RBFOX1: variants seen among roughly 807,000 people sequenced by gnomAD.
RBFOX1 encodes RNA binding fox-1 homolog 1, also known as RNA binding protein fox-1 homolog 1.
A neutral mutation model predicts 57.7 loss-of-function variants in RBFOX1; 8 were observed. The ratio of observed to expected loss-of-function variants is 0.14; its 90% CI spans 0.08 to 0.25. The LOEUF (loss-of-function observed/expected upper bound fraction) is 0.25, where lower values mean the gene tolerates loss of function less well. Among genes scored for constraint, RBFOX1 ranks in the 10% least tolerant of loss-of-function variants. RBFOX1 has a pLI of 1.00. For synonymous variants in RBFOX1, 326 were observed against 222.4 expected, an observed-to-expected ratio of 1.47 and a Z score of -4.15; for missense variants, 611 against 548.5, an observed-to-expected ratio of 1.11 and a Z score of -1.14.
chr16:6,070,816 C>T (rs184771702), intron 1 of RBFOX1, among the ~76,000 whole-genome samples: 152 of 151,006 alleles, frequency 1.0e-3, no homozygotes, highest in African/African-American at 3.3e-3. Flanking sequence ...CACACACGCT[C>T]GCCCCCCCCA....
At chr16:5,873,417 G>A (rs1330574463) in intron 4 of RBFOX1, among the ~76,000 whole-genome samples, 1 of 152,108 alleles carries the variant, frequency 6.6e-6, no homozygotes, top group East Asian at 1.9e-4. Flanking sequence ...GTCTAATTTT[G>A]CCCAGTCATG....
intron 1 of RBFOX1, among the ~76,000 whole-genome samples, chr16:5,415,959 C>G (rs534591653): frequency 6.6e-6 from 1 of 152,208 alleles, no homozygotes; most frequent in East Asian, 1.9e-4. Context: ...GACTCAGAGA[C>G]CAATGTGGTG....
intron 14 of RBFOX1, among the ~76,000 whole-genome samples, 174 bp downstream of exon 14, chr16:7,677,012 G>A (rs113169745): frequency 2.4e-4 from 37 of 152,170 alleles, no homozygotes; most frequent in African/African-American, 8.7e-4. Flanking sequence ...GAGGGCAAAT[G>A]CTTCAGCCAA....
At chr16:5,858,996 C>T (rs2057142763) in intron 3 of RBFOX1, among the ~76,000 whole-genome samples, 1 of 152,136 alleles carries the variant, frequency 6.6e-6, no homozygotes, top group Non-Finnish European at 1.5e-5. Context: ...GGGCAGATCA[C>T]ATGAGATCAG....
rs2089036771 is a variant in RBFOX1 at position 6,363,650 on chromosome 16, A to G, written c.-64+46593A>G. On this transcript the variant is annotated intron_variant, in intron 2 of 15. Transcript: ENST00000550418. The stretch of plus-strand genomic sequence containing the variant: ...ACAGACAGTTCGGAGACTAAATACC[A>G]TTTTTTAAAGTTTCCGAAGATTAAA... Among the ~76,000 whole-genome samples, 3 of 152,222 alleles carry G rather than the reference A, an allele frequency of 2.0e-5. No individual in the cohort carries two copies. The South Asian group carries it at 6.2e-4, about 32-fold the overall frequency.
intron 1 of RBFOX1, among the ~76,000 whole-genome samples, chr16:6,035,052 G>C (rs189094611): frequency 2.0e-5 from 3 of 152,268 alleles, no homozygotes; most frequent in Non-Finnish European, 4.4e-5. Flanking sequence ...CTGTTGTGCA[G>C]GCTGTCCTGT....
intron 2 of RBFOX1, among the ~76,000 whole-genome samples, chr16:5,506,054 G>C (rs1331286777): frequency 6.6e-6 from 1 of 152,150 alleles, no homozygotes; most frequent in African/African-American, 2.4e-5. Context: ...CCTAGACTCT[G>C]AAACCTCACC....
At chr16:7,664,848 C>T (rs1469649407) in intron 12 of RBFOX1, 81 bp from the exon 13 acceptor site, 4 of 1,612,138 alleles carry the variant, frequency 2.5e-6, no homozygotes, top group Non-Finnish European at 3.4e-6. Flanking sequence ...ACCAGACTAA[C>T]CTCGCCAGTG....
intron 1 of RBFOX1, among the ~76,000 whole-genome samples, chr16:5,406,236 C>T (rs1419143045): frequency 3.3e-5 from 5 of 152,056 alleles, no homozygotes. Flanking sequence ...GGGGGATTTC[C>T]AGACAAGAAT....
At chr16:5,496,838 C>T (rs139491071) in intron 2 of RBFOX1, among the ~76,000 whole-genome samples, 16 of 152,322 alleles carry the variant, frequency 1.1e-4, no homozygotes, top group Non-Finnish European at 1.6e-4. Flanking sequence ...ACAGCCCAAG[C>T]GCTAATCCAT....
intron 2 of RBFOX1, among the ~76,000 whole-genome samples, chr16:6,401,328 A>G (rs2093059103): frequency 6.6e-6 from 1 of 152,216 alleles, no homozygotes; most frequent in South Asian, 2.1e-4. Context: ...GCATAAGTGT[A>G]CACTGATATA....
intron 2 of RBFOX1, among the ~76,000 whole-genome samples, chr16:6,633,451 C>T (rs932575093): frequency 1.3e-5 from 2 of 151,858 alleles, no homozygotes; most frequent in Non-Finnish European, 2.9e-5. Context: ...CTGATTTTTG[C>T]ATTTATTATT....
chr16:6,006,575 G>A (rs1310541592), intron 4 of RBFOX1, among the ~76,000 whole-genome samples: 3 of 152,210 alleles, frequency 2.0e-5, no homozygotes, highest in African/African-American at 7.2e-5. Context: ...CTCCAGCATT[G>A]CCTAAAGCCA....
chr16:7,062,783 C>T (rs753693543), intron 4 of RBFOX1, among the ~76,000 whole-genome samples: 10 of 151,736 alleles, frequency 6.6e-5, no homozygotes, highest in African/African-American at 1.5e-4. Flanking sequence ...AGTGAAGAGA[C>T]GGTTCCCAGG....
intron 4 of RBFOX1, among the ~76,000 whole-genome samples, chr16:7,182,139 T>C (rs937676091): frequency 6.6e-6 from 1 of 152,194 alleles, no homozygotes; most frequent in Non-Finnish European, 1.5e-5. Flanking sequence ...TCTCATAAAA[T>C]GAAACCTATT....
chr16:5,275,623 A>G (rs2063121760), intron 1 of RBFOX1, among the ~76,000 whole-genome samples: 1 of 152,250 alleles, frequency 6.6e-6, no homozygotes, highest in African/African-American at 2.4e-5. Context: ...AAAGCAGTTT[A>G]CAAATTTAAT....
chr16:6,839,821 C>A (rs1005735563), intron 3 of RBFOX1, among the ~76,000 whole-genome samples: 1 of 152,180 alleles, frequency 6.6e-6, no homozygotes, highest in African/African-American at 2.4e-5. Flanking sequence ...ACTTCGTGTA[C>A]TCATAGCTAT....
chr16:5,307,979 T>C (rs973422920), intron 1 of RBFOX1, among the ~76,000 whole-genome samples: 1 of 152,148 alleles, frequency 6.6e-6, no homozygotes, highest in African/African-American at 2.4e-5. Flanking sequence ...TGCCTGACTA[T>C]AATAGCTGTA....
chr16:6,829,706 A>G (rs2140992484), intron 3 of RBFOX1, among the ~76,000 whole-genome samples: 1 of 151,820 alleles, frequency 6.6e-6, no homozygotes, highest in African/African-American at 2.4e-5. Flanking sequence ...GGTTCAAGAG[A>G]TTCTTCTGTC....
Sources: gnomAD v4.1 joint callset for allele counts (sites outside exome capture counted in the v4.1 genomes callset) on GRCh38, gnomAD v4.1.1 for gene constraint, MANE v1.5 for transcripts, NCBI Gene and HGNC (gene_info 2026-07-23, HGNC 2026-07-21) for gene names.